Variants in ZNF385D observed in about 807,000 individuals in gnomAD.
ZNF385D encodes the protein zinc finger protein 385D.
ZNF385D carries 15 observed loss-of-function variants against 35.8 expected under a neutral mutation model. The ratio of observed to expected loss-of-function variants is 0.42; its 90% CI spans 0.28 to 0.64. The LOEUF is 0.64. Among genes scored for constraint, ZNF385D ranks in the 30% least tolerant of loss-of-function variants. ZNF385D has a pLI of 0.23. For missense variants in ZNF385D, 474 were observed against 494.6 expected (o/e 0.96, Z 0.39); for synonymous variants, 212 against 186.8 (o/e 1.13, Z -1.10).
At chr3:21,844,731 ACT>A (rs1473342200) in intron 3 of ZNF385D, among the ~76,000 whole-genome samples, 3 of 151,968 alleles carry the variant, frequency 2.0e-5, no homozygotes, top group Non-Finnish European at 4.4e-5. Context: ...GCAAAATTGC[ACT>A]GTCACTAAAT....
chr3:22,063,356 T>C (rs572367082), intron 3 of ZNF385D, among the ~76,000 whole-genome samples: 43 of 152,276 alleles, frequency 2.8e-4, no homozygotes, highest in African/African-American at 1.0e-3. Context: ...ATTAATCTTC[T>C]CTTAAAATAT....
chr3:21,771,524 C>G (rs1575621511), intron 3 of ZNF385D, among the ~76,000 whole-genome samples: 1 of 151,832 alleles, frequency 6.6e-6, no homozygotes, highest in Admixed American at 6.6e-5. Flanking sequence ...CTAAAAAAGA[C>G]TTGATGACAA....
At position 21,898,033 on chromosome 3, in the gene ZNF385D, A is replaced by G. The variant is rs140934800; in HGVS notation, c.326-233005T>C. Among the ~76,000 whole-genome samples the G allele has an allele frequency of 1.2e-3, 177 of 152,298 alleles. 1 individual carries two copies. Among genetic ancestry groups the G allele is most frequent in the Admixed American group, 2.2e-3 (34 of 15,298 alleles). ...TTTATTTTATAAACATAGAAAGATG[A>G]CTAAATCATGTGCACTGGGATTGTA... is the stretch of plus-strand genomic sequence containing the variant. On this transcript the variant is annotated intron_variant, in intron 3 of 5. Coordinates refer to the ZNF385D transcript ENST00000494108.
intron 2 of ZNF385D, among the ~76,000 whole-genome samples, chr3:21,609,140 A>G (rs2064590280): frequency 6.6e-6 from 1 of 152,198 alleles, no homozygotes; most frequent in Non-Finnish European, 1.5e-5. Context: ...CGAAGTAGGC[A>G]TTTTCAGAAG....
chr3:21,877,595 G>T (rs922473043), intron 3 of ZNF385D, among the ~76,000 whole-genome samples: 17 of 152,080 alleles, frequency 1.1e-4, no homozygotes, highest in African/African-American at 3.6e-4. Flanking sequence ...AAACACAGCT[G>T]TGCTGTATAG....
intron 3 of ZNF385D, among the ~76,000 whole-genome samples, chr3:22,127,892 T>C (rs1343020393): frequency 1.3e-5 from 2 of 152,186 alleles, no homozygotes; most frequent in Non-Finnish European, 2.9e-5. Context: ...GGTAGTTTCA[T>C]CTTTTAGTCT....
At chr3:21,827,247 T>C (rs1187149430) in intron 3 of ZNF385D, among the ~76,000 whole-genome samples, 1 of 152,182 alleles carries the variant, frequency 6.6e-6, no homozygotes, top group South Asian at 2.1e-4. Flanking sequence ...TGAAGACATT[T>C]GAAATAAATA....
chr3:21,671,713 G>C (rs1464795706), intron 1 of ZNF385D, among the ~76,000 whole-genome samples: 3 of 152,202 alleles, frequency 2.0e-5, no homozygotes, highest in Admixed American at 2.0e-4. Flanking sequence ...TGTCAAATTA[G>C]TTCCGAGACA....
intron 3 of ZNF385D, among the ~76,000 whole-genome samples, chr3:21,881,736 CCTT>C (rs1698286835): frequency 6.6e-6 from 1 of 151,926 alleles, no homozygotes; most frequent in Admixed American, 6.6e-5. Flanking sequence ...AAACTGAAAA[CCTT>C]CTGGAAAGGA....
Position 22,226,797 on chromosome 3 carries a change from C to T in ZNF385D, c.107-57762G>A, listed in dbSNP as rs1457248936. ...CTTGCTTTTCTCTGTACCCCATTAT[C>T]TGTCATTTGATTATATGACATTAGT... On this transcript the variant is annotated intron_variant, in intron 2 of 5. Transcript: ENST00000494108. Among the ~76,000 whole-genome samples the T allele has an allele frequency of 5.3e-5, 8 of 152,140 alleles. No homozygotes were observed. The East Asian group carries it at 1.5e-3, about 29-fold the overall frequency.
At chr3:21,656,156 G>T (rs1287536948) in intron 2 of ZNF385D, among the ~76,000 whole-genome samples, 2 of 151,960 alleles carry the variant, frequency 1.3e-5, no homozygotes, top group Non-Finnish European at 2.9e-5. Context: ...ACTTTCACTG[G>T]ATGTAGTCAG....
chr3:21,786,954 A>T (rs888323395), intron 3 of ZNF385D, among the ~76,000 whole-genome samples: 22 of 152,330 alleles, frequency 1.4e-4, no homozygotes, highest in African/African-American at 4.6e-4. Context: ...TTTAAACCTA[A>T]TAAGAAAATA....
intron 2 of ZNF385D, among the ~76,000 whole-genome samples, chr3:22,333,935 C>G (rs1487961305): frequency 6.6e-6 from 1 of 152,172 alleles, no homozygotes; most frequent in Non-Finnish European, 1.5e-5. Flanking sequence ...TTTCAAAGTC[C>G]TCAGATACTT....
rs568331197 is a variant in ZNF385D, at chr3:22,085,618, C to T, written c.325+83199G>A. On this transcript the variant is annotated intron_variant, in intron 3 of 5. Coordinates refer to the ZNF385D transcript ENST00000494108. ...CAACCAAAAAAAGTCCAGGACCAGACGGATTCACAGCCGAATTCTACCAGA... is the reference window on the plus strand; with the variant it reads ...CAACCAAAAAAAGTCCAGGACCAGATGGATTCACAGCCGAATTCTACCAGA... 4.8e-3 allele frequency among the ~76,000 whole-genome samples: 735 copies of T among 152,238 alleles called. 11 individuals are homozygous for T. Among genetic ancestry groups the T allele is most frequent in the African/African-American group, 0.016 (660 of 41,548 alleles).
At chr3:21,720,210 ATTC>A (rs1429923320) in intron 1 of ZNF385D, among the ~76,000 whole-genome samples, 3 of 152,174 alleles carry the variant, frequency 2.0e-5, no homozygotes, top group African/African-American at 7.2e-5. Context: ...TAGAATAGCT[ATTC>A]TTAAGTATAG....
intron 3 of ZNF385D, among the ~76,000 whole-genome samples, chr3:22,058,521 A>T (rs1159552253): frequency 6.6e-6 from 1 of 152,172 alleles, no homozygotes; most frequent in African/African-American, 2.4e-5. Context: ...TCCAACTCCT[A>T]ACTGGTCAAA....
chr3:22,294,222 T>A (rs897586734), intron 2 of ZNF385D, among the ~76,000 whole-genome samples: 1 of 152,086 alleles, frequency 6.6e-6, no homozygotes, highest in African/African-American at 2.4e-5. Flanking sequence ...ACTGTGGCAG[T>A]AAACCCTATA....
chr3:22,161,039 A>G (rs1705916587), intron 3 of ZNF385D, among the ~76,000 whole-genome samples: 2 of 152,088 alleles, frequency 1.3e-5, no homozygotes, highest in African/African-American at 4.8e-5. Flanking sequence ...CTTAGACAAA[A>G]TCCCTTATGA....
chr3:21,919,369 T>C (rs1214619398), intron 3 of ZNF385D, among the ~76,000 whole-genome samples: 1 of 152,224 alleles, frequency 6.6e-6, no homozygotes, highest in Non-Finnish European at 1.5e-5. Flanking sequence ...CCTGCCTTTC[T>C]AGGATGGAAT....
Sources: gnomAD v4.1 joint callset for allele counts (sites outside exome capture counted in the v4.1 genomes callset) on GRCh38, gnomAD v4.1.1 for gene constraint, MANE v1.5 for transcripts, NCBI Gene and HGNC (gene_info 2026-07-23, HGNC 2026-07-21) for gene names.